Variants in TRIM67 observed in about 807,000 individuals in gnomAD.
TRIM67 encodes the protein tripartite motif containing 67.
A neutral mutation model predicts 71.0 loss-of-function variants in TRIM67; 39 were observed. The ratio of observed to expected loss-of-function variants is 0.55; its 90% CI spans 0.43 to 0.72. TRIM67 has a LOEUF of 0.72. Among genes scored for constraint, TRIM67 ranks in the 30% least tolerant of loss-of-function variants. The pLI is 0.00. For synonymous variants in TRIM67, 481 were observed against 473.9 expected (o/e 1.01, Z -0.19); for missense variants, 973 against 1,079.2 (o/e 0.90, Z 1.38).
At chr1:231,203,687 T>C (rs377467508) in intron 5 of TRIM67, among the ~76,000 whole-genome samples, 180 bp from the exon 6 acceptor site, 154 of 152,230 alleles carry the variant, frequency 1.0e-3, no homozygotes, top group African/African-American at 3.5e-3. Flanking sequence ...CTTGGCTTCA[T>C]CCCCAGCCCA....
intron 2 of TRIM67, among the ~76,000 whole-genome samples, chr1:231,197,865 GAGAAGGAGA>G (rs1004871788): frequency 2.0e-5 from 3 of 151,946 alleles, no homozygotes; most frequent in East Asian, 1.9e-4. Context: ...GAAGGAGAAG[GAGAAGGAGA>G]AGAAGGAGAA....
chr1:231,188,993 G>A (rs1052275252), intron 1 of TRIM67, among the ~76,000 whole-genome samples: 1 of 152,190 alleles, frequency 6.6e-6, no homozygotes, highest in Admixed American at 6.5e-5. Flanking sequence ...TCTGGTGGAT[G>A]TTGGTTCTGT....
At chr1:231,211,110 G>A (rs1031995228) in intron 8 of TRIM67, among the ~76,000 whole-genome samples, 3 of 151,410 alleles carry the variant, frequency 2.0e-5, no homozygotes, top group Non-Finnish European at 4.4e-5. Context: ...GTCAGACAAC[G>A]GCTCGGGTCA....
At position 231,215,608 on chromosome 1, in the gene TRIM67, G is replaced by A; in HGVS notation, c.*168G>A. ...ACATTTTCTTGGGGACGCAGGGAATGGGTCCACGGGCCATGCTCACAGCTG... is the reference window on the plus strand; with the variant it reads ...ACATTTTCTTGGGGACGCAGGGAATAGGTCCACGGGCCATGCTCACAGCTG... On this transcript the variant is annotated 3_prime_UTR_variant, in exon 10 of 10. Transcript: ENST00000366653. 7.1e-7 allele frequency: 1 copy of A among 1,402,106 alleles called. No individual in the cohort carries two copies. Among genetic ancestry groups the A allele is most frequent in the South Asian group, 1.6e-5 (1 of 61,322 alleles). 86.9% of individuals were successfully genotyped at this position (1,402,106 alleles called of 1,614,324 possible). A position where few individuals can be genotyped will look rare whatever the true frequency, so the allele number is the denominator to read the frequency against.
rs759951398 is a variant in TRIM67, at chr1:231,197,487, G to T, written c.1140+21G>T. ...TCCAGGTGAGCACAGCTCTGGCGTC[G>T]GGAGAAATACTCAGTGTTGAAAGTT... On this transcript the variant is annotated intron_variant, in intron 2 of 9. Coordinates refer to ENST00000366653, the MANE Select transcript of TRIM67 (RefSeq NM_001004342.5). 65 of 1,606,844 alleles carry T rather than the reference G, an allele frequency of 4.0e-5. No homozygotes were observed. In the Admixed American group the frequency reaches 1.1e-3, roughly 27 times the overall value.
chr1:231,211,302 G>A (rs933145018), intron 8 of TRIM67, among the ~76,000 whole-genome samples: 2 of 152,034 alleles, frequency 1.3e-5, no homozygotes, highest in African/African-American at 4.8e-5. Context: ...AAGCAGAAGG[G>A]AAGTGAGGCC....
chr1:231,169,904 G>GC (rs1480681275), intron 1 of TRIM67, among the ~76,000 whole-genome samples: 1 of 152,042 alleles, frequency 6.6e-6, no homozygotes, highest in Non-Finnish European at 1.5e-5. Flanking sequence ...CTTTGCTGTA[G>GC]CCCTACCCTA....
chr1:231,190,453 C>T (rs1219249348), intron 1 of TRIM67, among the ~76,000 whole-genome samples: 1 of 152,200 alleles, frequency 6.6e-6, no homozygotes, highest in African/African-American at 2.4e-5. Context: ...CTCTGGGCCA[C>T]AGCCACTGCA....
intron 1 of TRIM67, chr1:231,186,036 A>G: frequency 6.7e-7 from 1 of 1,502,438 alleles, no homozygotes. Flanking sequence ...AGATTTTCCC[A>G]GGGAAAAAGA....
In TRIM67 at chr1:231,218,483, T is replaced by C; in HGVS notation, c.*3043T>C. Reference sequence around the variant, plus strand: ...TTGGTCAAAGTGTATGCCTTTTCCTTTTAAAATTAATCTCTTCCGAAAATA... The same window carrying C: ...TTGGTCAAAGTGTATGCCTTTTCCTCTTAAAATTAATCTCTTCCGAAAATA... On this transcript the variant is annotated 3_prime_UTR_variant, in exon 10 of 10. Coordinates refer to ENST00000366653, the MANE Select transcript of TRIM67 (RefSeq NM_001004342.5). The C allele has an allele frequency of 1.0e-6, 1 of 985,490 alleles. No individual in the cohort carries two copies. The highest frequency in any genetic ancestry group is 4.7e-5 in the South Asian group (1 of 21,290). 61.0% of individuals were successfully genotyped at this position (985,490 alleles called of 1,614,324 possible).
At chr1:231,211,351 C>T (rs1223524141) in intron 8 of TRIM67, among the ~76,000 whole-genome samples, 1 of 152,096 alleles carries the variant, frequency 6.6e-6, no homozygotes, top group Non-Finnish European at 1.5e-5. Flanking sequence ...TCTGCATGTC[C>T]TCCCACCCTC....
At chr1:231,188,622 G>A (rs1366988178) in intron 1 of TRIM67, among the ~76,000 whole-genome samples, 1 of 152,148 alleles carries the variant, frequency 6.6e-6, no homozygotes, top group South Asian at 2.1e-4. Context: ...GAAAAATCTG[G>A]GTTTGAGTCC....
In TRIM67 at chr1:231,218,795, T is replaced by A; in HGVS notation, c.*3355T>A. The A allele has an allele frequency of 1.0e-6, 1 of 985,432 alleles. No individual in the cohort carries two copies. Among genetic ancestry groups the A allele is most frequent in the Non-Finnish European group, 1.2e-6 (1 of 829,940 alleles). The allele number at this position is 985,432 out of a possible 1,614,324, so 61.0% of individuals were successfully genotyped here. ...TTGAGGAGGGTGGTGCTTTCCGGAT[T>A]GAGCCTGGGCAGGCTCTGTGGAGCT... On this transcript the variant is annotated 3_prime_UTR_variant, in exon 10 of 10. Coordinates refer to ENST00000366653, the MANE Select transcript of TRIM67 (RefSeq NM_001004342.5).
intron 1 of TRIM67, among the ~76,000 whole-genome samples, chr1:231,194,264 A>G (rs1683310090): frequency 6.6e-6 from 1 of 152,190 alleles, no homozygotes; most frequent in Admixed American, 6.5e-5. Flanking sequence ...CTTCAACTTG[A>G]AAACTCCTGT....
At chr1:231,204,766 C>G (rs181325468) in intron 6 of TRIM67, among the ~76,000 whole-genome samples, 10 of 152,326 alleles carry the variant, frequency 6.6e-5, no homozygotes, top group Admixed American at 6.5e-4. Context: ...TAACAACACT[C>G]GCATCTCTTC....
chr1:231,202,970 G>A (rs1683592975), intron 5 of TRIM67, among the ~76,000 whole-genome samples: 1 of 152,132 alleles, frequency 6.6e-6, no homozygotes, highest in Non-Finnish European at 1.5e-5. Flanking sequence ...GCTGGTCAGC[G>A]TTCAGAGAGG....
intron 1 of TRIM67, chr1:231,185,124 G>C: frequency 6.5e-7 from 1 of 1,532,954 alleles, no homozygotes; most frequent in Non-Finnish European, 8.7e-7. Context: ...AATCCGAGTT[G>C]CTGGCTCAAT....
chr1:231,196,185 C>T (rs556284968), intron 1 of TRIM67, among the ~76,000 whole-genome samples: 210 of 152,272 alleles, frequency 1.4e-3, no homozygotes, highest in Non-Finnish European at 2.1e-3. Context: ...AAAGTCCTCA[C>T]TGACACAGTG....
chr1:231,189,111 G>C lies in TRIM67; in HGVS notation c.1045-8260G>C, dbSNP rs1331058092. Among the ~76,000 whole-genome samples the C allele has an allele frequency of 5.9e-5, 9 of 152,176 alleles. 1 individual carries two copies. The East Asian group carries it at 1.7e-3, about 29-fold the overall frequency. On this transcript the variant is annotated intron_variant, in intron 1 of 9. Coordinates refer to ENST00000366653, the MANE Select transcript of TRIM67 (RefSeq NM_001004342.5). ...CATTTATAGTGGGTCCTGTGTACTA[G>C]CCTCCGGGCTCTGAGCTGGGGATGC...
Sources: gnomAD v4.1 joint callset for allele counts (sites outside exome capture counted in the v4.1 genomes callset) on GRCh38, gnomAD v4.1.1 for gene constraint, MANE v1.5 for transcripts, NCBI Gene and HGNC (gene_info 2026-07-23, HGNC 2026-07-21) for gene names.